JAK1: variants seen among roughly 807,000 people sequenced by gnomAD.
The protein encoded by JAK1 is tyrosine-protein kinase JAK1.
JAK1 carries 16 observed loss-of-function variants against 136.6 expected under a neutral mutation model. The observed-to-expected ratio is 0.12, with a 90% CI of 0.08 to 0.18. JAK1 has a LOEUF of 0.18. Among genes scored for constraint, JAK1 ranks in the 10% least tolerant of loss-of-function variants. The probability of loss-of-function intolerance (pLI) is 1.00; values close to 1 mark genes in which losing one functional copy is unlikely to be tolerated. For missense variants in JAK1, 859 were observed against 1,450.1 expected (o/e 0.59, Z 6.62); for synonymous variants, 492 against 519.5 (o/e 0.95, Z 0.72).
At chr1:65,044,543 G>A (rs951070334) in exon 2 of JAK1, among the ~76,000 whole-genome samples, 2 of 152,236 alleles carry the variant, frequency 1.3e-5, no homozygotes, top group Admixed American at 1.3e-4. Flanking sequence ...TGACTTTTAA[G>A]TGAAGGTGAA....
intron 1 of JAK1, among the ~76,000 whole-genome samples, chr1:64,900,889 T>C (rs77560334): frequency 0.035 from 5,390 of 152,300 alleles, 127 homozygotes; most frequent in Non-Finnish European, 0.052. Context: ...TAATCCAGCA[T>C]GACTTTGTCC....
chr1:65,048,675 A>G (rs986126486), intron 1 of JAK1, among the ~76,000 whole-genome samples: 2 of 152,236 alleles, frequency 1.3e-5, no homozygotes, highest in Non-Finnish European at 2.9e-5. Flanking sequence ...AAAACAGTCC[A>G]AAAGGATTTA....
chr1:64,996,900 G>T (rs185621895), intron 2 of JAK1, among the ~76,000 whole-genome samples: 1 of 152,314 alleles, frequency 6.6e-6, no homozygotes, highest in Non-Finnish European at 1.5e-5. Flanking sequence ...GAAACCTGCT[G>T]CACAGAAAGG....
At chr1:64,836,399 G>A (rs1384840697) in intron 22 of JAK1, among the ~76,000 whole-genome samples, 184 bp from the exon 23 acceptor site, 2 of 152,040 alleles carry the variant, frequency 1.3e-5, no homozygotes, top group Admixed American at 6.5e-5. Context: ...CCTATAGTAC[G>A]GTATCCTTTA....
intron 3 of JAK1, among the ~76,000 whole-genome samples, chr1:64,882,501 T>C (rs1031757274): frequency 6.6e-6 from 1 of 152,224 alleles, no homozygotes; most frequent in African/African-American, 2.4e-5. Flanking sequence ...CTAGTGTATT[T>C]ACTCAGTTGT....
chr1:64,861,586 C>CT (rs1419531860), intron 8 of JAK1, among the ~76,000 whole-genome samples: 1 of 152,072 alleles, frequency 6.6e-6, no homozygotes, highest in African/African-American at 2.4e-5. Flanking sequence ...GCATCTGAGG[C>CT]TTCAAAAAAG....
At chr1:64,877,913 G>A (rs1226419335) in intron 4 of JAK1, among the ~76,000 whole-genome samples, 2 of 152,172 alleles carry the variant, frequency 1.3e-5, no homozygotes, top group South Asian at 2.1e-4. Context: ...TGAGACTTTG[G>A]TTAAGCATAG....
chr1:64,855,602 A>G lies in JAK1; in HGVS notation c.1555T>C (p.Leu519=), dbSNP rs753061854. ...LHGSDRSFPS[L]GDLMSHLKKQ... is the part of the protein sequence containing the mutation. ...TTGAGGTGGCTCATGAGGTCTCCCA[A>G]GCTGGGGAAGCTGCGGTCCGAACCG... Residue 519 remains leucine (L), a synonymous_variant, in exon 11 of 25, where the codon TTG becomes CTG. Coordinates refer to ENST00000342505, the MANE Select transcript of JAK1 (RefSeq NM_002227.4). 23 of 1,614,062 alleles carry G rather than the reference A, an allele frequency of 1.4e-5. No individual in the cohort carries two copies. The highest frequency in any genetic ancestry group is 1.9e-5 in the Non-Finnish European group (23 of 1,180,040).
At chr1:64,843,072 ACCCAAATCCTTCCTTGT>A (rs1655009225) in intron 17 of JAK1, among the ~76,000 whole-genome samples, 1 of 151,702 alleles carries the variant, frequency 6.6e-6, no homozygotes. Flanking sequence ...TCCCTCCTCC[ACCCAAATCCTTCCTTGT>A]CCCATGCCAC....
chr1:65,042,312 GA>G (rs1359370698), intron 2 of JAK1, among the ~76,000 whole-genome samples: 4 of 151,952 alleles, frequency 2.6e-5, no homozygotes, highest in Non-Finnish European at 5.9e-5. Context: ...CTACCTGAGG[GA>G]ATCCTGAACC....
chr1:64,882,769 C>A (rs1644793793), intron 3 of JAK1, among the ~76,000 whole-genome samples: 1 of 152,164 alleles, frequency 6.6e-6, no homozygotes, highest in Non-Finnish European at 1.5e-5. Flanking sequence ...AGCCACAAAG[C>A]AACACTCAGC....
chr1:64,913,686 A>AGGAAGGAAGGAAGGAAGGAAGGAG (rs1557686623), intron 1 of JAK1, among the ~76,000 whole-genome samples: 1 of 28,906 alleles, frequency 3.5e-5, no homozygotes, highest in African/African-American at 1.0e-4. Context: ...GAAGGAAGGA[A>AGGAAGGAAGGAAGGAAGGAAGGAG]GGAAGGAAGG....
chr1:64,872,119 C>A lies in JAK1; in HGVS notation c.483+1251G>T, dbSNP rs368741027. Among the ~76,000 whole-genome samples, 35 of 152,296 alleles carry A rather than the reference C, an allele frequency of 2.3e-4. 9 individuals carry two copies. Among genetic ancestry groups the A allele is most frequent in the Admixed American group, 3.9e-4 (6 of 15,298 alleles). On this transcript the variant is annotated intron_variant, in intron 5 of 24. Transcript: ENST00000342505. ...CCATTCTGTTCCCTCTACATCAGAT[C>A]TTTTCAACTGAGGCTGAGAGGAGAG...
intron 10 of JAK1, among the ~76,000 whole-genome samples, chr1:64,856,438 T>C (rs1655937648): frequency 6.6e-6 from 1 of 152,090 alleles, no homozygotes; most frequent in Non-Finnish European, 1.5e-5. Context: ...AAAGCACAAG[T>C]AGGTACAACG....
intron 1 of JAK1, among the ~76,000 whole-genome samples, chr1:64,896,225 G>A (rs1645011863): frequency 6.6e-6 from 1 of 152,232 alleles, no homozygotes; most frequent in Admixed American, 6.5e-5. Flanking sequence ...TCCAGAGCAT[G>A]CTTACATTCA....
In JAK1 at chr1:65,027,946, A is replaced by G. The variant is rs116733602; in HGVS notation, c.-78+16534T>C. On this transcript the variant is annotated intron_variant, in intron 2 of 25. Transcript: ENST00000671954. ...AGGGAAGTCTGCGTGGCACGCTGCC[A>G]CAGCTGGCACAACCCCAACAGCTGT... Among the ~76,000 whole-genome samples the G allele has an allele frequency of 4.9e-3, 748 of 152,312 alleles. 3 individuals are homozygous for G. The highest frequency in any genetic ancestry group is 0.017 in the African/African-American group (699 of 41,574).
chr1:64,906,191 G>A (rs942324778), intron 1 of JAK1, among the ~76,000 whole-genome samples: 5 of 152,090 alleles, frequency 3.3e-5, no homozygotes, highest in African/African-American at 9.7e-5. Flanking sequence ...TTACTTGGGA[G>A]GCTGAGGCAG....
At chr1:65,008,980 A>G (rs924381068) in intron 2 of JAK1, among the ~76,000 whole-genome samples, 9 of 152,302 alleles carry the variant, frequency 5.9e-5, no homozygotes, top group African/African-American at 2.2e-4. Context: ...GCCACTGCAC[A>G]TGGCCCTTGT....
At chr1:65,008,809 C>T (rs1029542108) in intron 2 of JAK1, among the ~76,000 whole-genome samples, 2 of 152,094 alleles carry the variant, frequency 1.3e-5, no homozygotes, top group African/African-American at 4.8e-5. Flanking sequence ...CCAACTCAGC[C>T]TCTCAAGTAG....
Sources: allele counts gnomAD v4.1 joint callset (sites outside exome capture counted in the v4.1 genomes callset), GRCh38; gene constraint gnomAD v4.1.1; transcripts MANE v1.5; gene names NCBI Gene and HGNC (gene_info 2026-07-23, HGNC 2026-07-21).